SGCD: variants seen among roughly 807,000 people sequenced by gnomAD.
SGCD encodes sarcoglycan delta, also known as delta-sarcoglycan.
Under a neutral mutation model 36.6 loss-of-function variants are expected in SGCD, and 18 were observed. That is an observed-to-expected ratio of 0.49 (90% CI 0.34 to 0.73). The LOEUF is 0.73. SGCD is among the 30% of genes least tolerant of loss of function. SGCD has a pLI of 0.01. For synonymous variants in SGCD, 133 were observed against 130.6 expected, an observed-to-expected ratio of 1.02 and a Z score of -0.12; for missense variants, 387 against 346.7, an observed-to-expected ratio of 1.12 and a Z score of -0.92.
At chr5:155,969,414 G>A (rs1258278407) in intron 1 of SGCD, among the ~76,000 whole-genome samples, 1 of 152,138 alleles carries the variant, frequency 6.6e-6, no homozygotes, top group Non-Finnish European at 1.5e-5. Context: ...ACTTTAAGAT[G>A]TGAGAGAACT....
At chr5:155,838,334 G>A in the SGCD span, among the ~76,000 whole-genome samples, 14 of 152,146 alleles carry the variant, frequency 9.2e-5, no homozygotes, top group African/African-American at 3.4e-4. Context: ...CATTGCACTT[G>A]GTAGATAAGC....
chr5:155,976,203 T>C (rs1314822089), intron 1 of SGCD, among the ~76,000 whole-genome samples: 1 of 152,138 alleles, frequency 6.6e-6, no homozygotes, highest in Non-Finnish European at 1.5e-5. Flanking sequence ...TAGGAAGGGC[T>C]CTCTAAAAGG....
intron 7 of SGCD, among the ~76,000 whole-genome samples, chr5:156,687,692 T>G (rs1389491962): frequency 6.6e-6 from 1 of 152,206 alleles, no homozygotes; most frequent in Non-Finnish European, 1.5e-5. Flanking sequence ...TCAACTTGTG[T>G]CATAAATTGC....
chr5:156,013,364 A>T (rs1581041794), intron 1 of SGCD, among the ~76,000 whole-genome samples: 1 of 152,248 alleles, frequency 6.6e-6, no homozygotes, highest in East Asian at 1.9e-4. Context: ...TTCAGGTTTG[A>T]TGAAAGTAGA....
intron 6 of SGCD, among the ~76,000 whole-genome samples, chr5:156,644,126 C>A (rs946112502): frequency 2.2e-4 from 34 of 152,116 alleles, no homozygotes; most frequent in Non-Finnish European, 1.8e-4. Context: ...TTTAAAAGAA[C>A]GCTTCTTGAA....
intron 1 of SGCD, among the ~76,000 whole-genome samples, chr5:156,034,066 C>G (rs919946986): frequency 1.1e-4 from 17 of 152,228 alleles, no homozygotes; most frequent in African/African-American, 3.6e-4. Context: ...GTATGCCCTG[C>G]CAATTTTTAA....
chr5:156,057,105 C>A (rs1760084016), intron 1 of SGCD, among the ~76,000 whole-genome samples: 1 of 146,304 alleles, frequency 6.8e-6, no homozygotes, highest in African/African-American at 2.5e-5. Context: ...TCTTAGCTGT[C>A]AAAAATGAAA....
chr5:155,949,337 A>G (rs1033458342), intron 1 of SGCD, among the ~76,000 whole-genome samples: 1 of 152,194 alleles, frequency 6.6e-6, no homozygotes, highest in Non-Finnish European at 1.5e-5. Context: ...AATCAATCAT[A>G]AGAAAGATGG....
chr5:156,172,009 G>A (rs951509342), intron 3 of SGCD, among the ~76,000 whole-genome samples: 3 of 152,106 alleles, frequency 2.0e-5, no homozygotes, highest in East Asian at 1.9e-4. Flanking sequence ...CAGGCCGGTC[G>A]TGGTGGCTCA....
chr5:156,621,926 C>T (rs1762266892), intron 6 of SGCD, among the ~76,000 whole-genome samples: 1 of 152,132 alleles, frequency 6.6e-6, no homozygotes, highest in East Asian at 1.9e-4. Flanking sequence ...ATTTTCACTT[C>T]ATGTATGAGA....
chr5:156,584,578 G>A (rs961703889), intron 4 of SGCD, among the ~76,000 whole-genome samples: 4 of 152,106 alleles, frequency 2.6e-5, no homozygotes, highest in Non-Finnish European at 4.4e-5. Context: ...TTCCAGGCAT[G>A]TTTTGACCTT....
intron 1 of SGCD, among the ~76,000 whole-genome samples, chr5:155,957,375 C>A (rs1249357301): frequency 6.6e-6 from 1 of 152,010 alleles, no homozygotes. Flanking sequence ...TTAGTGGCAG[C>A]CAATATAGAA....
chr5:155,798,268 C>A, the SGCD span, among the ~76,000 whole-genome samples: 4 of 152,194 alleles, frequency 2.6e-5, no homozygotes, highest in African/African-American at 9.7e-5. Flanking sequence ...CTAATGTTCA[C>A]CCAGTTCTAC....
At chr5:155,900,420 T>A (rs556587493) in intron 1 of SGCD, among the ~76,000 whole-genome samples, 64 of 150,850 alleles carry the variant, frequency 4.2e-4, no homozygotes, top group African/African-American at 1.5e-3. Flanking sequence ...TGCAACTAGC[T>A]TTTTTTTATT....
At chr5:156,164,325 G>C (rs1581140183) in intron 3 of SGCD, among the ~76,000 whole-genome samples, 1 of 147,940 alleles carries the variant, frequency 6.8e-6, no homozygotes, top group Admixed American at 6.6e-5. Flanking sequence ...TCTATCAATT[G>C]ATGGACTAGT....
At chr5:156,378,240 T>A (rs184635047) in intron 3 of SGCD, among the ~76,000 whole-genome samples, 1 of 152,314 alleles carries the variant, frequency 6.6e-6, no homozygotes, top group African/African-American at 2.4e-5. Flanking sequence ...AAATCAGTCA[T>A]TTACAAAACT....
intron 3 of SGCD, among the ~76,000 whole-genome samples, chr5:156,300,948 A>AC (rs36049454): frequency 0.36 from 54,110 of 151,658 alleles, 10,998 homozygotes; most frequent in African/African-American, 0.55. Context: ...TTTGGTCTCT[A>AC]TGGCATGGCA....
chr5:156,131,993 A>G (rs1490652908), intron 3 of SGCD, among the ~76,000 whole-genome samples: 5 of 152,210 alleles, frequency 3.3e-5, no homozygotes, highest in Non-Finnish European at 5.9e-5. Context: ...AGCCAGAAAA[A>G]TTGCAAATAT....
chr5:156,199,687 A>C (rs187037905), intron 3 of SGCD, among the ~76,000 whole-genome samples: 1 of 152,106 alleles, frequency 6.6e-6, no homozygotes, highest in Non-Finnish European at 1.5e-5. Context: ...AATAATTTTG[A>C]GTGTTTATAG....
Sources: gnomAD v4.1 joint callset for allele counts (sites outside exome capture counted in the v4.1 genomes callset) on GRCh38, gnomAD v4.1.1 for gene constraint, MANE v1.5 for transcripts, NCBI Gene and HGNC (gene_info 2026-07-23, HGNC 2026-07-21) for gene names.